PTPRT: variants seen among roughly 807,000 people sequenced by gnomAD.
The protein encoded by PTPRT is protein tyrosine phosphatase receptor type T.
PTPRT carries 56 observed loss-of-function variants against 176.8 expected under a neutral mutation model. That is an observed-to-expected ratio of 0.32 (90% confidence interval 0.26 to 0.40). PTPRT has a LOEUF of 0.40. Ranked by LOEUF, PTPRT falls within the 10% of genes least tolerant of loss-of-function variation. The pLI is 1.00. For synonymous variants in PTPRT, 783 were observed against 739.0 expected (o/e 1.06, Z -0.96); for missense variants, 1,540 against 1,908.2 (o/e 0.81, Z 3.60).
intron 1 of PTPRT, among the ~76,000 whole-genome samples, chr20:42,927,952 G>A (rs1011504928): frequency 2.0e-5 from 3 of 152,172 alleles, no homozygotes; most frequent in Admixed American, 2.0e-4. Flanking sequence ...AGGAGAGCTG[G>A]GATCTATACC....
chr20:42,988,878 T>A (rs1388873219), intron 1 of PTPRT, among the ~76,000 whole-genome samples: 1 of 152,164 alleles, frequency 6.6e-6, no homozygotes, highest in Admixed American at 6.5e-5. Context: ...AGCATCACAA[T>A]GATGGAATAG....
At chr20:42,350,149 T>C (rs1347773432) in intron 11 of PTPRT, among the ~76,000 whole-genome samples, 1 of 151,416 alleles carries the variant, frequency 6.6e-6, no homozygotes, top group African/African-American at 2.4e-5. Flanking sequence ...TAACTAAATT[T>C]ACCATAAACA....
intron 21 of PTPRT, 35 bp from the exon 22 acceptor site, chr20:42,115,350 A>G (rs1208810481): frequency 9.2e-6 from 14 of 1,513,532 alleles, no homozygotes; most frequent in Non-Finnish European, 1.3e-5. Context: ...CAGAGACAGA[A>G]CAGAGACAAG....
chr20:42,190,546 G>A (rs1990964494), intron 16 of PTPRT, among the ~76,000 whole-genome samples: 1 of 152,170 alleles, frequency 6.6e-6, no homozygotes, highest in South Asian at 2.1e-4. Context: ...AGAAGGGCTT[G>A]AGTCTGACAG....
In PTPRT at chr20:42,654,099, G is replaced by C. The variant is rs755011187; in HGVS notation, c.1153+23767C>G. Among the ~76,000 whole-genome samples the C allele has an allele frequency of 7.1e-4, 108 of 152,100 alleles. 1 individual carries two copies. The highest frequency in any genetic ancestry group is 3.2e-3 in the Middle Eastern group (1 of 316). On this transcript the variant is annotated intron_variant, in intron 7 of 30. Coordinates refer to ENST00000373187, the MANE Select transcript of PTPRT (RefSeq NM_007050.6). ...TTGCAGGGCTTCAAATGGCAGGAAA[G>C]GTAGTGACAACACTCCCAGGATGTT...
rs117284200 is a variant in PTPRT at position 42,735,412 on chromosome 20, G to T, written c.859+21050C>A. ...ATGGCAGAACCATGACTTAAACCCA[G>T]ATTGCCTTACTCTAATTCTAGATTA... On this transcript the variant is annotated intron_variant, in intron 6 of 30. Transcript: ENST00000373187. Among the ~76,000 whole-genome samples, 92 of 132,162 alleles carry T rather than the reference G, an allele frequency of 7.0e-4. No individual in the cohort carries two copies. The East Asian group carries it at 0.015, about 22-fold the overall frequency. The allele number at this position is 132,162 out of a possible 152,430, so 86.7% of individuals were successfully genotyped here.
intron 11 of PTPRT, among the ~76,000 whole-genome samples, chr20:42,320,125 C>G (rs891665958): frequency 6.6e-6 from 1 of 152,154 alleles, no homozygotes; most frequent in Non-Finnish European, 1.5e-5. Context: ...AAGAGTTATA[C>G]TGTGCCCCCA....
chr20:43,151,274 T>C (rs1056482812), intron 1 of PTPRT, among the ~76,000 whole-genome samples: 1 of 144,804 alleles, frequency 6.9e-6, no homozygotes, highest in Non-Finnish European at 1.5e-5. Flanking sequence ...CCATTGCACA[T>C]TGCACTCCAA....
chr20:42,767,816 TTTATATA>T (rs2077003972), intron 5 of PTPRT, among the ~76,000 whole-genome samples: 1 of 146,658 alleles, frequency 6.8e-6, no homozygotes, highest in African/African-American at 2.5e-5. Context: ...ATTATATATT[TTTATATA>T]TTATATATGT....
At chr20:42,033,020 A>T in the PTPRT span, among the ~76,000 whole-genome samples, 1 of 152,194 alleles carries the variant, frequency 6.6e-6, no homozygotes, top group African/African-American at 2.4e-5. Context: ...GAAGCATCCA[A>T]CTAGGTTGCT....
chr20:42,150,308 C>G (rs973628266), intron 17 of PTPRT, among the ~76,000 whole-genome samples: 2 of 152,314 alleles, frequency 1.3e-5, no homozygotes, highest in Admixed American at 1.3e-4. Context: ...GCAATGCCCC[C>G]CTTCACTCTC....
At chr20:43,097,849 T>TTAAGTATC (rs2012230571) in intron 1 of PTPRT, among the ~76,000 whole-genome samples, 1 of 152,220 alleles carries the variant, frequency 6.6e-6, no homozygotes, top group Non-Finnish European at 1.5e-5. Context: ...CTTTATGATC[T>TTAAGTATC]TAAGTATCTT....
At chr20:43,099,422 CA>C (rs1447532209) in intron 1 of PTPRT, among the ~76,000 whole-genome samples, 1 of 152,126 alleles carries the variant, frequency 6.6e-6, no homozygotes, top group Non-Finnish European at 1.5e-5. Flanking sequence ...GAATGGACCC[CA>C]CACACAAGTC....
chr20:42,316,074 C>G, intron 11 of PTPRT, 78 bp from the exon 12 acceptor site: 1 of 1,486,158 alleles, frequency 6.7e-7, no homozygotes, highest in South Asian at 1.2e-5. Context: ...TGGTGTCAAC[C>G]CAACTTCTCC....
At chr20:43,139,449 A>G (rs1275557651) in intron 1 of PTPRT, among the ~76,000 whole-genome samples, 1 of 152,184 alleles carries the variant, frequency 6.6e-6, no homozygotes, top group African/African-American at 2.4e-5. Context: ...GTTCCAGGAC[A>G]CCAGACCTTG....
At chr20:42,688,931 G>A (rs546653607) in intron 6 of PTPRT, among the ~76,000 whole-genome samples, 132 of 152,316 alleles carry the variant, frequency 8.7e-4, no homozygotes, top group African/African-American at 3.0e-3. Flanking sequence ...ACTAGGGAAG[G>A]ATGCAGAAAC....
intron 13 of PTPRT, among the ~76,000 whole-genome samples, chr20:42,275,806 G>A (rs1343539422): frequency 4.6e-5 from 7 of 152,184 alleles, no homozygotes. Context: ...GACAGTCAGT[G>A]AGAGCAAAGG....
At chr20:42,590,646 G>A (rs1468123529) in intron 7 of PTPRT, among the ~76,000 whole-genome samples, 1 of 152,074 alleles carries the variant, frequency 6.6e-6, no homozygotes, top group Non-Finnish European at 1.5e-5. Context: ...ATCCTCAGAG[G>A]AGAAGATTGT....
At chr20:42,414,806 T>A (rs2059050291) in intron 9 of PTPRT, among the ~76,000 whole-genome samples, 1 of 152,216 alleles carries the variant, frequency 6.6e-6, no homozygotes, top group East Asian at 1.9e-4. Flanking sequence ...TATCAATTCT[T>A]CCTAAATTAA....
Sources: gnomAD v4.1 joint callset for allele counts (sites outside exome capture counted in the v4.1 genomes callset) on GRCh38, gnomAD v4.1.1 for gene constraint, MANE v1.5 for transcripts, NCBI Gene and HGNC (gene_info 2026-07-23, HGNC 2026-07-21) for gene names.